Variants in TAP2 observed in about 807,000 individuals in gnomAD.
The protein encoded by TAP2 is antigen peptide transporter 2.
In TAP2, 49 loss-of-function variants were observed where a neutral mutation model predicts 74.7. The ratio of observed to expected loss-of-function variants is 0.66; its 90% CI spans 0.52 to 0.83. TAP2 has a LOEUF of 0.83. TAP2 is among the 40% of genes least tolerant of loss of function. The probability of loss-of-function intolerance (pLI) is 0.00; values close to 1 mark genes in which losing one functional copy is unlikely to be tolerated. For missense variants in TAP2, 739 were observed against 859.0 expected (o/e 0.86, Z 1.75); for synonymous variants, 306 against 368.4 (o/e 0.83, Z 1.94).
At chr6:32,833,280 C>A (rs1769209943) in intron 5 of TAP2, among the ~76,000 whole-genome samples, 1 of 151,964 alleles carries the variant, frequency 6.6e-6, no homozygotes, top group Non-Finnish European at 1.5e-5. Flanking sequence ...AACGCACAGG[C>A]AACAAAAAAT....
At chr6:32,829,599 G>A (rs777124843) in intron 10 of TAP2, 63 bp from the exon 11 acceptor site, 2 of 1,608,804 alleles carry the variant, frequency 1.2e-6, no homozygotes, top group Non-Finnish European at 1.7e-6. Context: ...CACAAGGAGG[G>A]ACAAGTGCAC....
At chr6:32,830,915 C>T (rs747238213) in intron 7 of TAP2, 109 bp from the exon 8 acceptor site, 2 of 981,398 alleles carry the variant, frequency 2.0e-6, no homozygotes, top group East Asian at 2.6e-5. Context: ...CTCCTCCATA[C>T]TCAAAAGAGA....
rs374491118 is a variant in TAP2 at position 32,835,321 on chromosome 6, T to C, written c.778A>G (p.Met260Val). Residue 260 changes from methionine (M) to valine (V), a missense_variant, in exon 5 of 12, where the codon ATG becomes GTG. By Grantham distance (21) the Met-to-Val change is conservative. Coordinates refer to ENST00000374897, the MANE Select transcript of TAP2 (RefSeq NM_001290043.2). The surrounding 1 kb of genome is among the most constrained non-coding windows in gnomAD (Gnocchi z 4.0). ...GCATTTAAAGGAAGCCAGTTACTCA[T>C]CAGGGTGGTATCCGAGCTCAGCCGT... is the stretch of plus-strand genomic sequence containing the variant. Reference protein sequence around the residue: ...NSRLSSDTTLMSNWLPLNANV... With the variant: ...NSRLSSDTTLVSNWLPLNANV... 6.2e-7 allele frequency: 1 copy of C among 1,612,910 alleles called. No individual in the cohort carries two copies. Among genetic ancestry groups the C allele is most frequent in the Non-Finnish European group, 8.5e-7 (1 of 1,180,038 alleles).
chr6:32,832,722 G>A lies in TAP2; in HGVS notation c.1048C>T (p.His350Tyr). 6.2e-7 allele frequency: 1 copy of A among 1,613,052 alleles called. No individual in the cohort carries two copies. The highest frequency in any genetic ancestry group is 8.5e-7 in the Non-Finnish European group (1 of 1,180,036). Residue 350 changes from histidine to tyrosine, a missense_variant, in exon 6 of 12, where the codon CAT (histidine) becomes TAT (tyrosine). Coordinates refer to ENST00000374897, the MANE Select transcript of TAP2 (RefSeq NM_001290043.2). The surrounding 1 kb of genome is among the most constrained non-coding windows in gnomAD (Gnocchi z 5.9). ...QTVRSFGAEE[H>Y]EVCRYKEALE... ...GCCTCTTTATAGCGACAGACTTCAT[G>A]CTCCTCGGCCCCAAAACTGCGAACG... is the stretch of plus-strand genomic sequence containing the variant.
chr6:32,821,988 G>C, downstream of TAP2: 1 of 363,970 alleles, frequency 2.7e-6, no homozygotes, highest in Non-Finnish European at 5.0e-6. Flanking sequence ...AAGGATGTAA[G>C]AAACAAAAGA....
intron 11 of TAP2, 28 bp from the exon 12 acceptor site, chr6:32,829,062 A>G: frequency 2.0e-6 from 3 of 1,535,264 alleles, no homozygotes; most frequent in Non-Finnish European, 2.6e-6. Flanking sequence ...GTGCCTCAGA[A>G]AGACAGGAAT....
chr6:32,827,846 T>C lies in TAP2; in HGVS notation c.*1060A>G. On this transcript the variant is annotated 3_prime_UTR_variant, in exon 12 of 12. Coordinates refer to ENST00000374897, the MANE Select transcript of TAP2 (RefSeq NM_001290043.2). Reference sequence around the variant, plus strand: ...TTTAGAAAAATGACTTTGTGAAGAATGGCCGGAAGAGGGAAGCTAATGGTA... The same window carrying C: ...TTTAGAAAAATGACTTTGTGAAGAACGGCCGGAAGAGGGAAGCTAATGGTA... 9.2e-6 allele frequency: 8 copies of C among 866,088 alleles called. 2 individuals carry two copies. The highest frequency in any genetic ancestry group is 1.1e-5 in the Non-Finnish European group (8 of 752,232). 53.7% of individuals were successfully genotyped at this position (866,088 alleles called of 1,614,324 possible).
intron 8 of TAP2, 29 bp downstream of exon 8, chr6:32,830,589 G>T (rs780696348): frequency 6.2e-7 from 1 of 1,612,786 alleles, no homozygotes; most frequent in East Asian, 2.2e-5. Context: ...AGAGAGCAAG[G>T]GTCCAGGTTT....
downstream of TAP2, among the ~76,000 whole-genome samples, chr6:32,824,916 T>G (rs16870923): frequency 2.6e-4 from 39 of 152,098 alleles, no homozygotes; most frequent in Non-Finnish European, 5.0e-4. Flanking sequence ...TCATATTTCA[T>G]TTCTCATTCT....
chr6:32,836,061 A>G (rs1320554865), intron 3 of TAP2, among the ~76,000 whole-genome samples: 2 of 152,202 alleles, frequency 1.3e-5, no homozygotes, highest in Non-Finnish European at 2.9e-5. Context: ...GACACAATAG[A>G]AAACTACAAT....
At position 32,835,090 on chromosome 6, in the gene TAP2, T is replaced by C; in HGVS notation, c.945+64A>G. 2 of 1,555,216 alleles carry C rather than the reference T, an allele frequency of 1.3e-6. No homozygotes were observed. Among genetic ancestry groups the C allele is most frequent in the Non-Finnish European group, 1.8e-6 (2 of 1,132,358 alleles). ...CTCTAGGGGATCCTCTAGCCACAAATGTGGAAGCCTCCTCACCTGTCAGTT... is the reference window on the plus strand; with the variant it reads ...CTCTAGGGGATCCTCTAGCCACAAACGTGGAAGCCTCCTCACCTGTCAGTT... On this transcript the variant is annotated intron_variant, in intron 5 of 11. Coordinates refer to ENST00000374897, the MANE Select transcript of TAP2 (RefSeq NM_001290043.2). This position sits in a 1 kb window ranked among gnomAD's most constrained non-coding sequence, Gnocchi z 4.0.
Position 32,826,618 on chromosome 6 carries a change from T to G in TAP2, c.*2288A>C. 1.0e-6 allele frequency: 1 copy of G among 985,412 alleles called. No individual in the cohort carries two copies. Among genetic ancestry groups the G allele is most frequent in the Non-Finnish European group, 1.2e-6 (1 of 829,924 alleles). 61.0% of individuals were successfully genotyped at this position (985,412 alleles called of 1,614,324 possible). On this transcript the variant is annotated 3_prime_UTR_variant, in exon 12 of 12. Transcript: ENST00000374897. ...ATAAAGCCTACCTGGGAGTTTCCCCTGAGATAAGAAACTTTCAGGACATCT... is the reference window on the plus strand; with the variant it reads ...ATAAAGCCTACCTGGGAGTTTCCCCGGAGATAAGAAACTTTCAGGACATCT...
At chr6:32,825,126 T>TATATATATATATATATATATA (rs1554230832), downstream of TAP2, among the ~76,000 whole-genome samples, 934 of 140,504 alleles carry the variant, frequency 6.6e-3, 18 homozygotes, top group South Asian at 8.4e-3. Context: ...TGTCTGTTGG[T>TATATATATATATATATATATA]TATATACATA....
rs961688019 is a variant in TAP2 at position 32,835,062 on chromosome 6, T to G, written c.945+92A>C. On this transcript the variant is annotated intron_variant, in intron 5 of 11. Coordinates refer to ENST00000374897, the MANE Select transcript of TAP2 (RefSeq NM_001290043.2). This position sits in a 1 kb window ranked among gnomAD's most constrained non-coding sequence, Gnocchi z 4.0. Reference sequence around the variant, plus strand: ...CCCTAATGGCTGAGAAGAGAACATCTCTCTCTAGGGGATCCTCTAGCCACA... The same window carrying G: ...CCCTAATGGCTGAGAAGAGAACATCGCTCTCTAGGGGATCCTCTAGCCACA... 10 of 1,327,182 alleles carry G rather than the reference T, an allele frequency of 7.5e-6. No individual in the cohort carries two copies. In the African/African-American group the frequency reaches 1.0e-4, roughly 13 times the overall value. The allele number at this position is 1,327,182 out of a possible 1,614,324, so 82.2% of individuals were successfully genotyped here.
chr6:32,826,774 T>A lies in TAP2; in HGVS notation c.*2132A>T, dbSNP rs569296109. 8.9e-5 allele frequency: 88 copies of A among 985,474 alleles called. No individual in the cohort carries two copies. The African/African-American group carries it at 1.4e-3, about 15-fold the overall frequency. 61.0% of individuals were successfully genotyped at this position (985,474 alleles called of 1,614,324 possible). A position where few individuals can be genotyped will look rare whatever the true frequency, so the allele number is the denominator to read the frequency against. On this transcript the variant is annotated 3_prime_UTR_variant, in exon 12 of 12. Transcript: ENST00000374897. Reference sequence around the variant, plus strand: ...TTTGACTGTTGCATTATTTTTAAGATGCCTTCCAGGCTTAAAGTATTATGA... The same window carrying A: ...TTTGACTGTTGCATTATTTTTAAGAAGCCTTCCAGGCTTAAAGTATTATGA...
intron 10 of TAP2, 65 bp downstream of exon 10, chr6:32,829,865 A>C (rs1445149765): frequency 6.2e-7 from 1 of 1,604,662 alleles, no homozygotes; most frequent in Non-Finnish European, 8.5e-7. Flanking sequence ...GACCTTCACC[A>C]CTAAGAGTAA....
rs775267531 is a variant in TAP2 at position 32,832,827 on chromosome 6, G to T, written c.946-3C>A. The stretch of plus-strand genomic sequence containing the variant: ...TCCTGGATCTCCCGAAGCACTTCCT[G>T]GAAAAGAGGGCCAGCAAACACCAGG... On this transcript the variant is annotated splice_region_variant and splice_polypyrimidine_tract_variant and intron_variant, in intron 5 of 11. Transcript: ENST00000374897. The surrounding 1 kb of genome is among the most constrained non-coding windows in gnomAD (Gnocchi z 5.9). The T allele has an allele frequency of 1.2e-6, 2 of 1,611,762 alleles. No individual in the cohort carries two copies. Among genetic ancestry groups the T allele is most frequent in the Non-Finnish European group, 1.7e-6 (2 of 1,179,932 alleles).
chr6:32,827,878 C>A lies in TAP2; in HGVS notation c.*1028G>T, dbSNP rs1768761216. 20 of 804,210 alleles carry A rather than the reference C, an allele frequency of 2.5e-5. 4 individuals carry two copies. Among genetic ancestry groups the A allele is most frequent in the Non-Finnish European group, 2.9e-5 (20 of 696,024 alleles). 49.8% of individuals were successfully genotyped at this position (804,210 alleles called of 1,614,324 possible). A position where few individuals can be genotyped will look rare whatever the true frequency, so the allele number is the denominator to read the frequency against. On this transcript the variant is annotated 3_prime_UTR_variant, in exon 12 of 12. Transcript: ENST00000374897. ...AAGAGGGAAGCTAATGGTAGAGAAACCTCTCTGGTGATGGGATCATCTTAA... is the reference window on the plus strand; with the variant it reads ...AAGAGGGAAGCTAATGGTAGAGAAAACTCTCTGGTGATGGGATCATCTTAA...
chr6:32,822,993 C>T (rs1053041647), downstream of TAP2, among the ~76,000 whole-genome samples: 2 of 145,120 alleles, frequency 1.4e-5, no homozygotes, highest in Admixed American at 7.0e-5. Flanking sequence ...GATCTTGGCT[C>T]GCTACAACCT....
Sources: gnomAD v4.1 joint callset for allele counts (sites outside exome capture counted in the v4.1 genomes callset) on GRCh38, gnomAD v4.1.1 for gene constraint, Gnocchi (gnomAD v3.1) non-coding constraint, MANE v1.5 for transcripts, NCBI Gene and HGNC (gene_info 2026-07-23, HGNC 2026-07-21) for gene names.